Variants in CTNNA2 observed in about 807,000 individuals in gnomAD.
CTNNA2 encodes catenin alpha-2.
Under a neutral mutation model 101.0 loss-of-function variants are expected in CTNNA2, and 42 were observed. That is an observed-to-expected ratio of 0.42 (90% CI 0.32 to 0.54). The LOEUF is 0.54. Among genes scored for constraint, CTNNA2 ranks in the 20% least tolerant of loss-of-function variants. The pLI, the probability that CTNNA2 is intolerant of heterozygous loss-of-function variation, is 0.14. For missense variants in CTNNA2, 871 were observed against 1,223.1 expected (o/e 0.71, Z 4.29); for synonymous variants, 450 against 456.4 (o/e 0.99, Z 0.18).
At chr2:80,190,238 G>A (rs945149433) in intron 7 of CTNNA2, among the ~76,000 whole-genome samples, 10 of 152,076 alleles carry the variant, frequency 6.6e-5, no homozygotes, top group Admixed American at 3.9e-4. Flanking sequence ...ACTAGGGGCT[G>A]ATTACAGGGG....
chr2:80,228,106 G>A (rs1708992387), intron 7 of CTNNA2, among the ~76,000 whole-genome samples: 1 of 152,202 alleles, frequency 6.6e-6, no homozygotes, highest in Non-Finnish European at 1.5e-5. Context: ...AACTCTCCAT[G>A]AGTGCACATG....
chr2:79,859,382 A>T (rs1207026705), intron 4 of CTNNA2, among the ~76,000 whole-genome samples: 1 of 151,306 alleles, frequency 6.6e-6, no homozygotes, highest in Non-Finnish European at 1.5e-5. Flanking sequence ...TACTTAAATC[A>T]TAACTATTCT....
chr2:80,111,052 GA>G (rs1246782719), intron 7 of CTNNA2, among the ~76,000 whole-genome samples: 1 of 151,926 alleles, frequency 6.6e-6, no homozygotes, highest in Non-Finnish European at 1.5e-5. Context: ...AGCAAATAGG[GA>G]AAAGCCCTTT....
rs748412435 is a variant in CTNNA2 at position 80,250,202 on chromosome 2, AGAGT to A, written c.1057-143007_1057-143004del. Among the ~76,000 whole-genome samples, 217 of 142,110 alleles carry A rather than the reference AGAGT, an allele frequency of 1.5e-3. 1 individual carries two copies. The highest frequency in any genetic ancestry group is 7.6e-3 in the East Asian group (38 of 5,004). The allele number at this position is 142,110 out of a possible 152,430, so 93.2% of individuals were successfully genotyped here. A position where few individuals can be genotyped will look rare whatever the true frequency, so the allele number is the denominator to read the frequency against. ...TGGGGGGAGAGAGAGAGAGAGAGAGAGAGTGTGTGTGTGTGTGTGTGTGTGTGTG... is the reference window on the plus strand; with the variant it reads ...TGGGGGGAGAGAGAGAGAGAGAGAGAGTGTGTGTGTGTGTGTGTGTGTGTG... On this transcript the variant is annotated intron_variant, in intron 7 of 18. Transcript: ENST00000402739.
chr2:80,611,993 G>A (rs918598228), intron 17 of CTNNA2, among the ~76,000 whole-genome samples: 2 of 151,586 alleles, frequency 1.3e-5, no homozygotes, highest in African/African-American at 2.4e-5. Flanking sequence ...AAATATTTGA[G>A]TCAAGTTTGG....
chr2:79,386,789 G>A (rs1678110727), intron 4 of CTNNA2, among the ~76,000 whole-genome samples: 1 of 152,180 alleles, frequency 6.6e-6, no homozygotes, highest in South Asian at 2.1e-4. Context: ...AATTCATTGT[G>A]ATTTTGTCTG....
intron 7 of CTNNA2, among the ~76,000 whole-genome samples, chr2:80,067,194 T>C (rs1299342736): frequency 6.6e-6 from 1 of 152,126 alleles, no homozygotes; most frequent in Non-Finnish European, 1.5e-5. Context: ...TAATGTATTC[T>C]TGAAAATTGC....
intron 3 of CTNNA2, among the ~76,000 whole-genome samples, chr2:79,802,631 T>C (rs549791802): frequency 3.0e-4 from 46 of 152,332 alleles, no homozygotes; most frequent in Admixed American, 2.0e-4. Flanking sequence ...GGAGTAGTTG[T>C]AGATACAGAA....
intron 4 of CTNNA2, among the ~76,000 whole-genome samples, chr2:79,497,850 C>T (rs974703460): frequency 6.6e-6 from 1 of 152,138 alleles, no homozygotes; most frequent in Non-Finnish European, 1.5e-5. Flanking sequence ...TTTCAAGGTG[C>T]ATTTGAATAC....
At chr2:80,463,426 C>A (rs2149475668) in intron 9 of CTNNA2, among the ~76,000 whole-genome samples, 1 of 152,254 alleles carries the variant, frequency 6.6e-6, no homozygotes, top group Non-Finnish European at 1.5e-5. Context: ...GTAGGGATTG[C>A]AGATCCTTAG....
At chr2:79,774,902 T>C (rs535567918) in intron 3 of CTNNA2, among the ~76,000 whole-genome samples, 5 of 152,196 alleles carry the variant, frequency 3.3e-5, no homozygotes, top group Non-Finnish European at 7.3e-5. Context: ...CATTTGTAAC[T>C]TTAGAGGATG....
intron 7 of CTNNA2, among the ~76,000 whole-genome samples, chr2:79,988,403 C>A (rs1209256008): frequency 6.6e-6 from 1 of 151,550 alleles, no homozygotes; most frequent in Non-Finnish European, 1.5e-5. Context: ...ATGGCCACAT[C>A]AGAAAAAAGA....
intron 1 of CTNNA2, among the ~76,000 whole-genome samples, chr2:79,560,866 A>G (rs1376792265): frequency 3.9e-5 from 6 of 151,940 alleles, no homozygotes; most frequent in Non-Finnish European, 7.4e-5. Flanking sequence ...TTCACCTAGT[A>G]TTAATAATTC....
chr2:80,228,157 C>T (rs73938244), intron 7 of CTNNA2, among the ~76,000 whole-genome samples: 3,143 of 152,308 alleles, frequency 0.021, 103 homozygotes, highest in African/African-American at 0.072. Context: ...GTCAGTAAGA[C>T]TGGCCATTGC....
intron 7 of CTNNA2, among the ~76,000 whole-genome samples, chr2:80,077,584 AT>A (rs1698843383): frequency 8.3e-6 from 1 of 120,954 alleles, no homozygotes; most frequent in Non-Finnish European, 1.6e-5. Flanking sequence ...CCCTGTCTCT[AT>A]TAAAAAAAAA....
At chr2:79,483,078 A>G (rs1448166147) in intron 4 of CTNNA2, among the ~76,000 whole-genome samples, 1 of 152,172 alleles carries the variant, frequency 6.6e-6, no homozygotes, top group Non-Finnish European at 1.5e-5. Context: ...TTTACTTCCC[A>G]TGTGTGCTAT....
chr2:79,740,591 A>G (rs1671223171), intron 2 of CTNNA2, among the ~76,000 whole-genome samples: 1 of 152,202 alleles, frequency 6.6e-6, no homozygotes, highest in East Asian at 1.9e-4. Context: ...TTATAAACAT[A>G]TATTCATATA....
At chr2:80,162,652 T>C (rs1704402606) in intron 7 of CTNNA2, 17 of 1,612,400 alleles carry the variant, frequency 1.1e-5, no homozygotes, top group East Asian at 2.2e-5. Context: ...ATTCTGACTT[T>C]ACGCTGTGAT....
Position 80,266,060 on chromosome 2 carries a change from C to A in CTNNA2, c.1057-127151C>A, listed in dbSNP as rs76535626. 9.4e-3 allele frequency among the ~76,000 whole-genome samples: 1,426 copies of A among 152,258 alleles called. 22 individuals carry two copies. Among genetic ancestry groups the A allele is most frequent in the African/African-American group, 0.032 (1,326 of 41,542 alleles). ...CTAAAAATTGAGGGCTTCAATTTCCCCATTTGAGAAATTACAGCATTGAAG... is the reference window on the plus strand; with the variant it reads ...CTAAAAATTGAGGGCTTCAATTTCCACATTTGAGAAATTACAGCATTGAAG... On this transcript the variant is annotated intron_variant, in intron 7 of 18. Coordinates refer to ENST00000402739, the MANE Select transcript of CTNNA2 (RefSeq NM_001282597.3).
Sources: gnomAD v4.1 joint callset for allele counts (sites outside exome capture counted in the v4.1 genomes callset) on GRCh38, gnomAD v4.1.1 for gene constraint, MANE v1.5 for transcripts, NCBI Gene and HGNC (gene_info 2026-07-23, HGNC 2026-07-21) for gene names.